ZNG1A: variants seen among roughly 807,000 people sequenced by gnomAD.
ZNG1A encodes the protein zinc-regulated GTPase metalloprotein activator 1A.
the ZNG1A span, chr9:178,684 C>G: frequency 1.0e-6 from 1 of 997,448 alleles, no homozygotes; most frequent in African/African-American, 1.5e-5. Flanking sequence ...AAGCAAGTGA[C>G]CCAGCCCCGA....
At chr9:158,620 C>A in the ZNG1A span, among the ~76,000 whole-genome samples, 2 of 150,570 alleles carry the variant, frequency 1.3e-5, no homozygotes, top group Non-Finnish European at 3.0e-5. Context: ...ATTTACCTCT[C>A]CAAAATATTA....
the ZNG1A span, chr9:177,673 T>C: frequency 5.6e-6 from 7 of 1,243,946 alleles, no homozygotes; most frequent in South Asian, 1.0e-4. Flanking sequence ...CTGGTATTAA[T>C]TCTCACTCCT....
the ZNG1A span, among the ~76,000 whole-genome samples, chr9:138,122 A>G: frequency 6.6e-6 from 1 of 152,090 alleles, no homozygotes; most frequent in Admixed American, 6.5e-5. Flanking sequence ...ATGGAACTAG[A>G]AAAGCAAAAT....
chr9:137,498 TCTAATCCAGACACGG>T, the ZNG1A span, among the ~76,000 whole-genome samples: 1 of 152,022 alleles, frequency 6.6e-6, no homozygotes, highest in African/African-American at 2.4e-5. Context: ...AAAATACAGT[TCTAATCCAGACACGG>T]CGGATGAAAG....
the ZNG1A span, among the ~76,000 whole-genome samples, chr9:159,605 GA>G: frequency 9.3e-4 from 142 of 151,896 alleles, 2 homozygotes; most frequent in African/African-American, 3.4e-3. Flanking sequence ...GGAACTCTCT[GA>G]AATAACACCA....
chr9:125,255 GAAGT>G, the ZNG1A span, among the ~76,000 whole-genome samples: 2 of 150,768 alleles, frequency 1.3e-5, no homozygotes, highest in African/African-American at 2.4e-5. Context: ...CATTCTTGCA[GAAGT>G]AAGGTGGTAT....
At chr9:155,884 C>G in the ZNG1A span, among the ~76,000 whole-genome samples, 2 of 145,712 alleles carry the variant, frequency 1.4e-5, no homozygotes, top group East Asian at 3.9e-4. Context: ...GCGGGTGGAT[C>G]GAGCTGGTCT....
At chr9:140,310 A>T in the ZNG1A span, among the ~76,000 whole-genome samples, 2 of 151,864 alleles carry the variant, frequency 1.3e-5, no homozygotes, top group African/African-American at 2.4e-5. Context: ...ACGCAGCTGG[A>T]GATCTGAGAA....
chr9:161,501 A>C, the ZNG1A span: 1 of 994,382 alleles, frequency 1.0e-6, no homozygotes, highest in Non-Finnish European at 1.4e-6. Flanking sequence ...ACACGTTCAG[A>C]TATGAGGTTG....
chr9:146,254 T>C, the ZNG1A span: 12 of 1,476,574 alleles, frequency 8.1e-6, no homozygotes, highest in Admixed American at 1.8e-5. Flanking sequence ...ATTTTATACA[T>C]AAAATTCATA....
chr9:150,345 C>G, the ZNG1A span: 33 of 806,732 alleles, frequency 4.1e-5, no homozygotes, highest in Middle Eastern at 6.1e-4. Context: ...CCAGGATGGT[C>G]TCCATCTCCT....
chr9:121,445 T>C, the ZNG1A span: 1 of 1,604,254 alleles, frequency 6.2e-7, no homozygotes. Flanking sequence ...TCCAATCCTT[T>C]TGATAAGAAA....
the ZNG1A span, among the ~76,000 whole-genome samples, chr9:126,851 C>T: frequency 6.6e-6 from 1 of 151,988 alleles, no homozygotes; most frequent in Non-Finnish European, 1.5e-5. Context: ...TTAGCACCGC[C>T]TCTGCTGTGT....
the ZNG1A span, chr9:173,199 A>G: frequency 7.6e-7 from 1 of 1,317,910 alleles, no homozygotes; most frequent in Non-Finnish European, 1.0e-6. Context: ...ATTACTCAAG[A>G]AAATTAAAGC....
the ZNG1A span, chr9:154,681 G>C: frequency 4.0e-6 from 6 of 1,512,624 alleles, no homozygotes; most frequent in Non-Finnish European, 5.4e-6. Flanking sequence ...TGGATCTGTA[G>C]GCACTTAACA....
the ZNG1A span, among the ~76,000 whole-genome samples, chr9:138,159 A>G: frequency 6.6e-6 from 1 of 152,182 alleles, no homozygotes; most frequent in Non-Finnish European, 1.5e-5. Context: ...TACTCCAAAA[A>G]TACCTTTATA....
the ZNG1A span, among the ~76,000 whole-genome samples, chr9:173,728 T>C: frequency 6.6e-6 from 1 of 152,240 alleles, no homozygotes; most frequent in South Asian, 2.1e-4. Flanking sequence ...ATACTGGATT[T>C]TGTATGCCCT....
chr9:154,049 G>C, the ZNG1A span: 2 of 151,810 alleles, frequency 1.3e-5, no homozygotes, highest in Non-Finnish European at 2.9e-5. Context: ...CTCCAGAACA[G>C]TCAGCAAAAT....
chr9:166,356 C>T, the ZNG1A span: 1 of 148,426 alleles, frequency 6.7e-6, no homozygotes, highest in South Asian at 2.2e-4. Context: ...AGGAGAAAAA[C>T]AAACTTGGGT....
Sources: gnomAD v4.1 joint callset for allele counts (sites outside exome capture counted in the v4.1 genomes callset) on GRCh38, gnomAD v4.1.1 for gene constraint, MANE v1.5 for transcripts, NCBI Gene and HGNC (gene_info 2026-07-23, HGNC 2026-07-21) for gene names.